Variants in CLVS1 observed in about 807,000 individuals in gnomAD.
CLVS1 encodes clavesin 1, also known as clavesin-1.
In CLVS1, 10 loss-of-function variants were observed where a neutral mutation model predicts 33.1. That is an observed-to-expected ratio of 0.30 (90% CI 0.19 to 0.51). The LOEUF is 0.51. CLVS1 is among the 20% of genes least tolerant of loss of function. The pLI is 0.97. For synonymous variants in CLVS1, 163 were observed against 166.1 expected, an observed-to-expected ratio of 0.98 and a Z score of 0.14; for missense variants, 343 against 433.4, an observed-to-expected ratio of 0.79 and a Z score of 1.85.
intron 3 of CLVS1, among the ~76,000 whole-genome samples, chr8:61,424,251 C>A (rs534718484): frequency 1.3e-5 from 2 of 152,240 alleles, no homozygotes; most frequent in Non-Finnish European, 2.9e-5. Context: ...AAAGGTCTTA[C>A]ACTTTCCATG....
intron 1 of CLVS1, among the ~76,000 whole-genome samples, chr8:61,066,014 TG>T (rs1239368935): frequency 6.6e-6 from 1 of 152,220 alleles, no homozygotes; most frequent in African/African-American, 2.4e-5. Context: ...ATCACATTTA[TG>T]ATAAAAACAG....
intron 2 of CLVS1, among the ~76,000 whole-genome samples, chr8:61,213,098 C>T (rs78771010): frequency 0.023 from 3,512 of 151,884 alleles, 69 homozygotes; most frequent in Middle Eastern, 0.044. Flanking sequence ...CTCCCATCCC[C>T]GGGGGTATCT....
At chr8:61,191,005 T>G (rs1807460928) in intron 2 of CLVS1, among the ~76,000 whole-genome samples, 1 of 151,990 alleles carries the variant, frequency 6.6e-6, no homozygotes, top group Admixed American at 6.6e-5. Flanking sequence ...AAAGAGGGAA[T>G]CCTCCCTAAC....
At chr8:61,480,398 T>C (rs1818141242) in intron 5 of CLVS1, among the ~76,000 whole-genome samples, 1 of 152,188 alleles carries the variant, frequency 6.6e-6, no homozygotes, top group Admixed American at 6.5e-5. Context: ...CAGGATATAA[T>C]CTCTTGGTGT....
rs142790881 is a variant in CLVS1 at position 61,246,676 on chromosome 8, A to C, written c.-151-53001A>C. Among the ~76,000 whole-genome samples the C allele has an allele frequency of 4.2e-3, 637 of 152,232 alleles. 12 individuals are homozygous for C. Among genetic ancestry groups the C allele is most frequent in the Non-Finnish European group, 7.1e-4 (48 of 68,002 alleles). On this transcript the variant is annotated intron_variant, in intron 2 of 2. Coordinates refer to the CLVS1 transcript ENST00000522621. ...ACAATGGCTCTTAGTGTCTTAAAAA[A>C]ATTCTTAATAAAAATAATTTGGGTT...
chr8:61,448,859 A>C (rs1816852029), intron 3 of CLVS1, among the ~76,000 whole-genome samples: 1 of 152,224 alleles, frequency 6.6e-6, no homozygotes, highest in Non-Finnish European at 1.5e-5. Flanking sequence ...CTAAATTAAA[A>C]TCTTTGTCAG....
the CLVS1 span, among the ~76,000 whole-genome samples, chr8:61,003,136 C>G: frequency 6.6e-6 from 1 of 152,166 alleles, no homozygotes; most frequent in Non-Finnish European, 1.5e-5. Context: ...GGGACTTGCT[C>G]TGGGGGGTCT....
At chr8:61,023,448 T>C in the CLVS1 span, among the ~76,000 whole-genome samples, 1 of 152,238 alleles carries the variant, frequency 6.6e-6, no homozygotes, top group East Asian at 1.9e-4. Context: ...AAAACCTAAA[T>C]GCCCTGCCAT....
chr8:61,325,241 A>G (rs1336801644), intron 2 of CLVS1, among the ~76,000 whole-genome samples: 1 of 151,992 alleles, frequency 6.6e-6, no homozygotes, highest in Non-Finnish European at 1.5e-5. Flanking sequence ...CACAGTAACT[A>G]TGTGAGGATG....
At position 61,366,482 on chromosome 8, in the gene CLVS1, A is replaced by C. The variant is rs144616178; in HGVS notation, c.456-10123A>C. Among the ~76,000 whole-genome samples, 544 of 152,324 alleles carry C rather than the reference A, an allele frequency of 3.6e-3. 2 individuals are homozygous for C. Among genetic ancestry groups the C allele is most frequent in the South Asian group, 6.4e-3 (31 of 4,820 alleles). ...TTGGACCCAAGGTGCTCAGTAATAC[A>C]TTGTTCTCTATAAGCATGAGTCATA... On this transcript the variant is annotated intron_variant, in intron 2 of 5. Transcript: ENST00000325897.
intron 2 of CLVS1, among the ~76,000 whole-genome samples, chr8:61,159,390 G>C (rs747653358): frequency 7.9e-5 from 12 of 152,192 alleles, no homozygotes; most frequent in Non-Finnish European, 1.8e-4. Flanking sequence ...AAGCTGCAAA[G>C]GCATGCTCAA....
chr8:61,400,903 G>A (rs1814722574), intron 3 of CLVS1, among the ~76,000 whole-genome samples: 1 of 152,056 alleles, frequency 6.6e-6, no homozygotes, highest in South Asian at 2.1e-4. Context: ...TGGTAGATAA[G>A]CTTTTTGATG....
At chr8:61,470,554 G>A (rs1252448160) in intron 5 of CLVS1, among the ~76,000 whole-genome samples, 1 of 152,180 alleles carries the variant, frequency 6.6e-6, no homozygotes, top group Admixed American at 6.5e-5. Context: ...GAATGACAAG[G>A]AATATTTATT....
At chr8:61,474,180 G>A (rs770161585) in intron 5 of CLVS1, among the ~76,000 whole-genome samples, 2 of 152,172 alleles carry the variant, frequency 1.3e-5, no homozygotes, top group Admixed American at 6.5e-5. Context: ...AATGGTAGGA[G>A]GTAAACTAGA....
At chr8:61,054,217 A>G (rs1804434384), upstream of CLVS1, among the ~76,000 whole-genome samples, 1 of 152,130 alleles carries the variant, frequency 6.6e-6, no homozygotes. Flanking sequence ...CCTGGGCACG[A>G]CCAAACAGGG....
chr8:61,058,258 G>T (rs1344382700), intron 1 of CLVS1, among the ~76,000 whole-genome samples: 1 of 152,186 alleles, frequency 6.6e-6, no homozygotes, highest in Non-Finnish European at 1.5e-5. Context: ...TGATGGGATT[G>T]TGCAGGACAG....
intron 2 of CLVS1, among the ~76,000 whole-genome samples, chr8:61,226,530 G>A (rs1808332892): frequency 6.6e-6 from 1 of 152,158 alleles, no homozygotes; most frequent in African/African-American, 2.4e-5. Context: ...TTTGTGCATA[G>A]CTGACTTTGT....
intron 2 of CLVS1, among the ~76,000 whole-genome samples, chr8:61,308,298 A>G (rs1172621829): frequency 6.6e-6 from 1 of 152,204 alleles, no homozygotes; most frequent in Admixed American, 6.5e-5. Context: ...TGACTCATCA[A>G]TGGGAAAACT....
intron 2 of CLVS1, among the ~76,000 whole-genome samples, chr8:61,321,116 A>G (rs1811179642): frequency 1.3e-5 from 2 of 152,262 alleles, no homozygotes; most frequent in African/African-American, 2.4e-5. Flanking sequence ...AGATTTTCCC[A>G]TTCTGGAAAT....
Sources: allele counts gnomAD v4.1 joint callset (sites outside exome capture counted in the v4.1 genomes callset), GRCh38; gene constraint gnomAD v4.1.1; transcripts MANE v1.5; gene names NCBI Gene and HGNC (gene_info 2026-07-23, HGNC 2026-07-21).